Variants in RALGAPA2 observed in about 807,000 individuals in gnomAD.
RALGAPA2 encodes the protein ral GTPase-activating protein subunit alpha-2.
In RALGAPA2, 139 loss-of-function variants were observed where a neutral mutation model predicts 230.4. The ratio of observed to expected loss-of-function variants is 0.60; its 90% CI spans 0.53 to 0.69. The LOEUF is 0.69. Among genes scored for constraint, RALGAPA2 ranks in the 30% least tolerant of loss-of-function variants. RALGAPA2 has a pLI of 0.00. For synonymous variants in RALGAPA2, 847 were observed against 837.8 expected (o/e 1.01, Z -0.19); for missense variants, 2,163 against 2,276.0 (o/e 0.95, Z 1.01).
At chr20:20,434,116 A>C (rs1165656343) in intron 37 of RALGAPA2, among the ~76,000 whole-genome samples, 1 of 152,178 alleles carries the variant, frequency 6.6e-6, no homozygotes, top group African/African-American at 2.4e-5. Context: ...AGCTCTAGTA[A>C]TTTAGCAAGG....
Position 20,474,425 on chromosome 20 carries a change from G to C in RALGAPA2, c.5368-1469C>G, listed in dbSNP as rs183421292. Among the ~76,000 whole-genome samples, 3 of 152,270 alleles carry C rather than the reference G, an allele frequency of 2.0e-5. No individual in the cohort carries two copies. The East Asian group carries it at 5.8e-4, about 29-fold the overall frequency. On this transcript the variant is annotated intron_variant, in intron 36 of 39. Transcript: ENST00000202677. ...CTCCTGAGGATTTAGGGAAGCAGGG[G>C]ATATGATCTAAAATACATTTTAAAG...
intron 5 of RALGAPA2, among the ~76,000 whole-genome samples, chr20:20,642,507 G>C (rs1300727272): frequency 1.3e-5 from 2 of 152,128 alleles, no homozygotes; most frequent in African/African-American, 4.8e-5. Flanking sequence ...CACTGTGCCT[G>C]GCCAGCTCTA....
intron 37 of RALGAPA2, among the ~76,000 whole-genome samples, chr20:20,414,133 A>G (rs1432832410): frequency 6.6e-6 from 1 of 152,238 alleles, no homozygotes; most frequent in Non-Finnish European, 1.5e-5. Flanking sequence ...GGGCTGAGCG[A>G]GGCGTGACAA....
intron 1 of RALGAPA2, among the ~76,000 whole-genome samples, chr20:20,690,161 C>T (rs546461339): frequency 1.3e-5 from 2 of 152,248 alleles, no homozygotes; most frequent in Non-Finnish European, 2.9e-5. Context: ...AATCTGCACC[C>T]ACTTTAGCAT....
Position 20,396,676 on chromosome 20 carries a change from A to C in RALGAPA2, c.*35+19T>G. 4 of 1,602,500 alleles carry C rather than the reference A, an allele frequency of 2.5e-6. No individual in the cohort carries two copies. Among genetic ancestry groups the C allele is most frequent in the Non-Finnish European group, 3.4e-6 (4 of 1,171,274 alleles). On this transcript the variant is annotated intron_variant, in intron 39 of 39. Transcript: ENST00000202677. ...CAAAGCAGGGTGGCTGGACAAATCC[A>C]CTGAAGTGTCTGTCTTACCTTGCTC...
chr20:20,419,911 T>C lies in RALGAPA2; in HGVS notation c.5496-7763A>G, dbSNP rs113056913. On this transcript the variant is annotated intron_variant, in intron 37 of 39. Coordinates refer to ENST00000202677, the MANE Select transcript of RALGAPA2 (RefSeq NM_020343.4). Reference sequence around the variant, plus strand: ...GCATGTAATCAAGGAACAAGATAGATGTCGCTCCTGCCACCAGCAATCCTG... The same window carrying C: ...GCATGTAATCAAGGAACAAGATAGACGTCGCTCCTGCCACCAGCAATCCTG... 3.0e-3 allele frequency among the ~76,000 whole-genome samples: 456 copies of C among 152,322 alleles called. 4 individuals are homozygous for C. The highest frequency in any genetic ancestry group is 0.011 in the African/African-American group (438 of 41,572).
intron 1 of RALGAPA2, among the ~76,000 whole-genome samples, chr20:20,689,428 G>A (rs1486271312): frequency 6.6e-6 from 1 of 152,186 alleles, no homozygotes; most frequent in East Asian, 1.9e-4. Flanking sequence ...CAGATCACGA[G>A]GTCAAAAGGT....
Position 20,636,560 on chromosome 20 carries a change from G to A in RALGAPA2, c.805+803C>T, listed in dbSNP as rs1443004378. ...TCCCCGTGTGTGTGTGTGTGTGTAT[G>A]TGTGTGTGTGTGTGTGTGTGTGTAC... is the stretch of plus-strand genomic sequence containing the variant. On this transcript the variant is annotated intron_variant, in intron 8 of 39. Coordinates refer to ENST00000202677, the MANE Select transcript of RALGAPA2 (RefSeq NM_020343.4). Among the ~76,000 whole-genome samples, 7 of 147,128 alleles carry A rather than the reference G, an allele frequency of 4.8e-5. No homozygotes were observed. The East Asian group carries it at 9.8e-4, about 21-fold the overall frequency.
chr20:20,702,407 T>C (rs1268523999), intron 1 of RALGAPA2, among the ~76,000 whole-genome samples: 4 of 152,108 alleles, frequency 2.6e-5, no homozygotes, highest in African/African-American at 9.7e-5. Context: ...ACGATGCAGG[T>C]CTGACCCCTG....
chr20:20,541,219 A>C (rs2063633993), intron 24 of RALGAPA2, among the ~76,000 whole-genome samples: 2 of 152,214 alleles, frequency 1.3e-5, no homozygotes, highest in South Asian at 4.2e-4. Context: ...AGCATTTTTC[A>C]TACATAGCAG....
At position 20,577,987 on chromosome 20, in the gene RALGAPA2, C is replaced by A. The variant is rs373073781; in HGVS notation, c.2708-4919G>T. ...ATCACCTGCACCTCTTTTCAACCTG[C>A]CAACGAATATGCCCTTACTTATGAA... On this transcript the variant is annotated intron_variant, in intron 20 of 39. Transcript: ENST00000202677. Among the ~76,000 whole-genome samples, 6 of 152,174 alleles carry A rather than the reference C, an allele frequency of 3.9e-5. No individual in the cohort carries two copies. In the East Asian group the frequency reaches 9.7e-4, roughly 25 times the overall value.
At chr20:20,599,866 G>A (rs929546419) in intron 16 of RALGAPA2, among the ~76,000 whole-genome samples, 7 of 151,822 alleles carry the variant, frequency 4.6e-5, no homozygotes, top group African/African-American at 1.7e-4. Context: ...CCAGCTACTC[G>A]GGAGGCTGAG....
chr20:20,692,789 A>G (rs2068961323), intron 1 of RALGAPA2, among the ~76,000 whole-genome samples: 1 of 152,248 alleles, frequency 6.6e-6, no homozygotes, highest in African/African-American at 2.4e-5. Flanking sequence ...CACTAAGGAT[A>G]GCAAAGCCAA....
intron 36 of RALGAPA2, among the ~76,000 whole-genome samples, chr20:20,486,626 G>A (rs1037966797): frequency 2.0e-5 from 3 of 152,214 alleles, no homozygotes; most frequent in African/African-American, 7.2e-5. Context: ...TCCTGGATCT[G>A]TCATTAATTT....
intron 37 of RALGAPA2, among the ~76,000 whole-genome samples, chr20:20,452,540 C>T (rs1310226405): frequency 1.3e-5 from 2 of 152,216 alleles, no homozygotes; most frequent in African/African-American, 4.8e-5. Flanking sequence ...GGACAGGAAC[C>T]CAGTGAGCTG....
chr20:20,474,838 G>A (rs2123416951), intron 36 of RALGAPA2, among the ~76,000 whole-genome samples: 1 of 152,282 alleles, frequency 6.6e-6, no homozygotes, highest in East Asian at 1.9e-4. Context: ...TAGAGTCAGG[G>A]GAAAGGCCTA....
chr20:20,705,818 G>A (rs768797535), intron 1 of RALGAPA2, among the ~76,000 whole-genome samples: 3 of 152,076 alleles, frequency 2.0e-5, no homozygotes, highest in Admixed American at 6.6e-5. Flanking sequence ...ACAGGCACGC[G>A]CAACCACCCC....
At chr20:20,394,889 C>CAAAAAAAAAAAAAAAAAAAAAAGAAA (rs10673778) in intron 39 of RALGAPA2, among the ~76,000 whole-genome samples, 1 of 44,646 alleles carries the variant, frequency 2.2e-5, no homozygotes, top group Non-Finnish European at 3.9e-5. Flanking sequence ...AATAAATAAG[C>CAAAAAAAAAAAAAAAAAAAAAAGAAA]AAAAAAAAAA....
chr20:20,409,048 G>A (rs1306920361), intron 38 of RALGAPA2, among the ~76,000 whole-genome samples: 1 of 152,200 alleles, frequency 6.6e-6, no homozygotes, highest in East Asian at 1.9e-4. Flanking sequence ...TATATTAGCA[G>A]CTACACCACC....
Sources: allele counts gnomAD v4.1 joint callset (sites outside exome capture counted in the v4.1 genomes callset), GRCh38; gene constraint gnomAD v4.1.1; transcripts MANE v1.5; gene names NCBI Gene and HGNC (gene_info 2026-07-23, HGNC 2026-07-21).